Variants in ARHGAP42 observed in about 807,000 individuals in gnomAD.
ARHGAP42 encodes rho GTPase-activating protein 42.
Under a neutral mutation model 125.0 loss-of-function variants are expected in ARHGAP42, and 63 were observed. The ratio of observed to expected loss-of-function variants is 0.50; its 90% CI spans 0.41 to 0.62. ARHGAP42 has a LOEUF of 0.62. Among genes scored for constraint, ARHGAP42 ranks in the 20% least tolerant of loss-of-function variants. The pLI is 0.00. For missense variants in ARHGAP42, 766 were observed against 1,024.2 expected, an observed-to-expected ratio of 0.75 and a Z score of 3.44; for synonymous variants, 339 against 351.0, an observed-to-expected ratio of 0.97 and a Z score of 0.38.
At chr11:100,959,486 C>T (rs1363085633) in intron 12 of ARHGAP42, among the ~76,000 whole-genome samples, 1 of 152,032 alleles carries the variant, frequency 6.6e-6, no homozygotes, top group Non-Finnish European at 1.5e-5. Flanking sequence ...TTTTCTTTAC[C>T]TCATAATGTT....
intron 12 of ARHGAP42, among the ~76,000 whole-genome samples, chr11:100,953,293 T>C (rs1857714461): frequency 2.0e-5 from 3 of 152,198 alleles, no homozygotes; most frequent in Admixed American, 2.0e-4. Flanking sequence ...TTCAGATGGC[T>C]TCCACTTATT....
intron 3 of ARHGAP42, among the ~76,000 whole-genome samples, chr11:100,830,288 A>C (rs1864634356): frequency 1.3e-5 from 2 of 152,206 alleles, no homozygotes; most frequent in Admixed American, 1.3e-4. Flanking sequence ...TCAGTAAGTA[A>C]AAATACCAAT....
At chr11:100,782,939 A>C (rs1362668512) in intron 2 of ARHGAP42, among the ~76,000 whole-genome samples, 1 of 152,200 alleles carries the variant, frequency 6.6e-6, no homozygotes, top group Non-Finnish European at 1.5e-5. Context: ...TCCTCACACA[A>C]AGCATGCATT....
At chr11:100,811,877 C>T (rs1342916009) in intron 3 of ARHGAP42, among the ~76,000 whole-genome samples, 1 of 152,156 alleles carries the variant, frequency 6.6e-6, no homozygotes, top group African/African-American at 2.4e-5. Context: ...GAGTTCACTA[C>T]CTCATTTATG....
chr11:100,792,819 C>G (rs1863597411), intron 2 of ARHGAP42, among the ~76,000 whole-genome samples: 1 of 149,900 alleles, frequency 6.7e-6, no homozygotes, highest in Non-Finnish European at 1.5e-5. Context: ...GTGGCACGAT[C>G]TCGGCTTACT....
chr11:100,797,518 G>A (rs561585147), intron 3 of ARHGAP42, among the ~76,000 whole-genome samples: 1 of 151,738 alleles, frequency 6.6e-6, no homozygotes, highest in South Asian at 2.1e-4. Context: ...TCTAGTTATA[G>A]AACATGGAGC....
At position 100,992,566 on chromosome 11, in the gene ARHGAP42, C is replaced by G; in HGVS notation, c.*3765C>G. The stretch of plus-strand genomic sequence containing the variant: ...TCCTGTTGATTCGCAGATGTAATAT[C>G]GAGTATTCATCAACTGGTCTCAATT... On this transcript the variant is annotated 3_prime_UTR_variant, in exon 24 of 24. Coordinates refer to ENST00000298815, the MANE Select transcript of ARHGAP42 (RefSeq NM_152432.4). 6.2e-7 allele frequency: 1 copy of G among 1,614,062 alleles called. No homozygotes were observed. The highest frequency in any genetic ancestry group is 1.7e-5 in the Admixed American group (1 of 60,012).
At chr11:100,777,203 T>C (rs574880871) in intron 2 of ARHGAP42, among the ~76,000 whole-genome samples, 1 of 152,298 alleles carries the variant, frequency 6.6e-6, no homozygotes, top group South Asian at 2.1e-4. Flanking sequence ...CAGGTTAAAA[T>C]AGTGGCAATT....
At chr11:100,940,946 TATTTC>T (rs1867867535) in intron 8 of ARHGAP42, among the ~76,000 whole-genome samples, 1 of 152,128 alleles carries the variant, frequency 6.6e-6, no homozygotes, top group East Asian at 1.9e-4. Context: ...AAACAAATCA[TATTTC>T]AGACAGTGAT....
At chr11:100,814,361 CAAAAAAA>C (rs11351569) in intron 3 of ARHGAP42, among the ~76,000 whole-genome samples, 2 of 109,858 alleles carry the variant, frequency 1.8e-5, no homozygotes, top group African/African-American at 3.4e-5. Context: ...GACTCCGTCT[CAAAAAAA>C]AAAAAAAAAA....
At chr11:100,976,999 G>A in intron 21 of ARHGAP42, 28 bp downstream of exon 21, 1 of 1,549,950 alleles carries the variant, frequency 6.5e-7, no homozygotes, top group African/African-American at 1.4e-5. Context: ...TATTTGCTGT[G>A]TCTCCCAGGG....
intron 3 of ARHGAP42, among the ~76,000 whole-genome samples, chr11:100,833,583 T>C (rs768226534): frequency 7.9e-5 from 12 of 152,196 alleles, no homozygotes; most frequent in Non-Finnish European, 8.8e-5. Flanking sequence ...GGATGATATA[T>C]GGTTCTTTGA....
intron 2 of ARHGAP42, among the ~76,000 whole-genome samples, chr11:100,786,654 A>C (rs548379085): frequency 2.0e-5 from 3 of 152,250 alleles, no homozygotes; most frequent in South Asian, 4.1e-4. Flanking sequence ...CTAAGGAAAA[A>C]CTATTAGATA....
chr11:100,956,022 C>G (rs1857795896), intron 12 of ARHGAP42, among the ~76,000 whole-genome samples: 1 of 152,108 alleles, frequency 6.6e-6, no homozygotes, highest in Admixed American at 6.6e-5. Flanking sequence ...TTTTAGCCAT[C>G]TTGTCCTCTT....
At chr11:100,723,469 C>T (rs1325949653) in intron 1 of ARHGAP42, among the ~76,000 whole-genome samples, 1 of 152,000 alleles carries the variant, frequency 6.6e-6, no homozygotes, top group African/African-American at 2.4e-5. Context: ...CAGAGGTTTC[C>T]TCATATAGAT....
intron 4 of ARHGAP42, among the ~76,000 whole-genome samples, chr11:100,879,682 C>A (rs1053129128): frequency 2.6e-5 from 4 of 152,164 alleles, no homozygotes; most frequent in African/African-American, 7.2e-5. Context: ...TGCGACCTCC[C>A]TGCCTCATCT....
At chr11:100,697,903 G>C (rs1196758132) in intron 1 of ARHGAP42, among the ~76,000 whole-genome samples, 2 of 152,112 alleles carry the variant, frequency 1.3e-5, no homozygotes, top group Non-Finnish European at 1.5e-5. Context: ...ATTAAAGTCA[G>C]TTGTGACAAC....
At chr11:100,901,931 A>G (rs754736281) in intron 4 of ARHGAP42, among the ~76,000 whole-genome samples, 4 of 152,172 alleles carry the variant, frequency 2.6e-5, no homozygotes, top group Non-Finnish European at 4.4e-5. Flanking sequence ...CCACCATCCA[A>G]TCAGTCCCAA....
intron 1 of ARHGAP42, among the ~76,000 whole-genome samples, chr11:100,753,815 A>G (rs1342842691): frequency 6.6e-6 from 1 of 152,168 alleles, no homozygotes; most frequent in African/African-American, 2.4e-5. Flanking sequence ...GGTAATGTGT[A>G]TCCTGGAGGC....
Sources: gnomAD v4.1 joint callset for allele counts (sites outside exome capture counted in the v4.1 genomes callset) on GRCh38, gnomAD v4.1.1 for gene constraint, MANE v1.5 for transcripts, NCBI Gene and HGNC (gene_info 2026-07-23, HGNC 2026-07-21) for gene names.